The following AK3 variants were observed in gnomAD, a reference collection of about 807,000 sequenced individuals.
AK3 encodes the protein adenylate kinase 3, also known as GTP:AMP phosphotransferase AK3, mitochondrial.
Under a neutral mutation model 23.7 loss-of-function variants are expected in AK3, and 27 were observed. That is an observed-to-expected ratio of 1.14 (90% confidence interval 0.84 to 1.57). The LOEUF is 1.57. Among genes scored for constraint, AK3 ranks in the 40% most tolerant of loss-of-function variants. AK3 has a pLI of 0.00. For synonymous variants in AK3, 159 were observed against 116.0 expected (o/e 1.37, Z -2.38); for missense variants, 406 against 285.6 (o/e 1.42, Z -3.04).
rs1563781400 is a variant in AK3, at chr9:4,714,205, T to TCCACACATAC, written c.564-1110_564-1109insGTATGTGTGG. 5.1e-3 allele frequency among the ~76,000 whole-genome samples: 397 copies of TCCACACATAC among 78,280 alleles called. 23 individuals carry two copies. Among genetic ancestry groups the TCCACACATAC allele is most frequent in the Non-Finnish European group, 5.6e-3 (206 of 36,678 alleles). 51.4% of individuals were successfully genotyped at this position (78,280 alleles called of 152,430 possible). A position where few individuals can be genotyped will look rare whatever the true frequency, so the allele number is the denominator to read the frequency against. ...CTCCACATACACACACCTCCACATA[T>TCCACACATAC]ACACCTCCACACATTCGCCTCCACA... On this transcript the variant is annotated intron_variant, in intron 4 of 4. Transcript: ENST00000381809.
intron 1 of AK3, among the ~76,000 whole-genome samples, chr9:4,730,051 T>G (rs563447957): frequency 6.6e-6 from 1 of 152,264 alleles, no homozygotes; most frequent in South Asian, 2.1e-4. Context: ...CCTTCAAACA[T>G]GCTCAGTGAA....
intron 2 of AK3, 150 bp downstream of exon 2, chr9:4,722,356 C>T (rs1841920451): frequency 1.8e-6 from 2 of 1,089,256 alleles, no homozygotes; most frequent in African/African-American, 3.2e-5. Flanking sequence ...AGAACTGGTC[C>T]CAGAGAAGAT....
intron 1 of AK3, among the ~76,000 whole-genome samples, chr9:4,733,967 T>C (rs10121986): frequency 0.53 from 80,712 of 152,062 alleles, 22,239 homozygotes; most frequent in East Asian, 0.74. Context: ...CTTGTCTCTA[T>C]TGAGACACAT....
At chr9:4,730,161 C>T (rs1587653128) in intron 1 of AK3, among the ~76,000 whole-genome samples, 1 of 152,124 alleles carries the variant, frequency 6.6e-6, no homozygotes, top group Middle Eastern at 3.4e-3. Context: ...TAGTAGTTGC[C>T]AAAGGCTGGG....
At chr9:4,739,980 C>A (rs1195903890) in intron 1 of AK3, among the ~76,000 whole-genome samples, 1 of 147,570 alleles carries the variant, frequency 6.8e-6, no homozygotes, top group Non-Finnish European at 1.5e-5. Context: ...TGTTCCCCTC[C>A]GAAGAATGGG....
rs570760410 is a variant in AK3 at position 4,709,770 on chromosome 9, A to G, written c.*3206T>C. On this transcript the variant is annotated 3_prime_UTR_variant, in exon 5 of 5. Transcript: ENST00000381809. ...TCCAAGATGAAAATCTTTAACTGCAAAGATAGAAAAGCTATTTCTACAGTT... is the reference window on the plus strand; with the variant it reads ...TCCAAGATGAAAATCTTTAACTGCAGAGATAGAAAAGCTATTTCTACAGTT... The G allele has an allele frequency of 6.6e-6, 1 of 152,346 alleles. No individual in the cohort carries two copies. Among genetic ancestry groups the G allele is most frequent in the East Asian group, 1.9e-4 (1 of 5,192 alleles). The allele number at this position is 152,346 out of a possible 1,614,324, so 9.4% of individuals were successfully genotyped here.
rs933495501 is a variant in AK3, at chr9:4,709,651, G to A, written c.*3325C>T. Reference sequence around the variant, plus strand: ...CTAAAAACAAATAAAAAGCAGGAGGGGGATAAGGGCTCTACAAAGCATACT... The same window carrying A: ...CTAAAAACAAATAAAAAGCAGGAGGAGGATAAGGGCTCTACAAAGCATACT... On this transcript the variant is annotated 3_prime_UTR_variant, in exon 5 of 5. Transcript: ENST00000381809. 4 of 152,106 alleles carry A rather than the reference G, an allele frequency of 2.6e-5. No homozygotes were observed. Among genetic ancestry groups the A allele is most frequent in the Admixed American group, 6.5e-5 (1 of 15,270 alleles). The allele number at this position is 152,106 out of a possible 1,614,324, so 9.4% of individuals were successfully genotyped here. A position where few individuals can be genotyped will look rare whatever the true frequency, so the allele number is the denominator to read the frequency against.
Position 4,710,417 on chromosome 9 carries a change from C to A in AK3, c.*2559G>T, listed in dbSNP as rs1470165064. 3 of 136,108 alleles carry A rather than the reference C, an allele frequency of 2.2e-5. No individual in the cohort carries two copies. Among genetic ancestry groups the A allele is most frequent in the Non-Finnish European group, 4.9e-5 (3 of 60,992 alleles). 8.4% of individuals were successfully genotyped at this position (136,108 alleles called of 1,614,324 possible). ...TGTATTTTTAGTAGAGACGGGGTTTCACCGTGTTAGCCAGGATGGTCTCGA... is the reference window on the plus strand; with the variant it reads ...TGTATTTTTAGTAGAGACGGGGTTTAACCGTGTTAGCCAGGATGGTCTCGA... On this transcript the variant is annotated 3_prime_UTR_variant, in exon 5 of 5. Coordinates refer to ENST00000381809, the MANE Select transcript of AK3 (RefSeq NM_016282.4).
At chr9:4,736,667 G>A (rs577710594) in intron 1 of AK3, among the ~76,000 whole-genome samples, 38 of 151,824 alleles carry the variant, frequency 2.5e-4, no homozygotes, top group African/African-American at 8.0e-4. Context: ...AGGGTTGGCC[G>A]TCTAGTCTAG....
At chr9:4,730,949 T>C (rs577285876) in intron 1 of AK3, among the ~76,000 whole-genome samples, 1 of 152,280 alleles carries the variant, frequency 6.6e-6, no homozygotes, top group African/African-American at 2.4e-5. Context: ...TCTGTGAACT[T>C]CCACTTTGAT....
chr9:4,716,953 G>C (rs1028591772), intron 4 of AK3, among the ~76,000 whole-genome samples: 6 of 152,074 alleles, frequency 3.9e-5, no homozygotes, highest in African/African-American at 1.4e-4. Context: ...ATAAATAACA[G>C]TTTGGAAACT....
In AK3 at chr9:4,740,817, G is replaced by A. The variant is rs960576330; in HGVS notation, c.151+120C>T. On this transcript the variant is annotated intron_variant, in intron 1 of 4. Coordinates refer to ENST00000381809, the MANE Select transcript of AK3 (RefSeq NM_016282.4). ...CAGCAGCCCGAGGTCTCTGTCCCGG[G>A]CGGCGGGAGGGAAATGCCGCGCCCG... is the stretch of plus-strand genomic sequence containing the variant. 12 of 1,231,820 alleles carry A rather than the reference G, an allele frequency of 9.7e-6. No individual in the cohort carries two copies. In the African/African-American group the frequency reaches 1.4e-4, roughly 15 times the overall value. The allele number at this position is 1,231,820 out of a possible 1,614,324, so 76.3% of individuals were successfully genotyped here.
In AK3 at chr9:4,712,495, T is replaced by C. The variant is rs1376120868; in HGVS notation, c.*481A>G. The C allele has an allele frequency of 2.0e-5, 3 of 152,370 alleles. No homozygotes were observed. Among genetic ancestry groups the C allele is most frequent in the African/African-American group, 7.2e-5 (3 of 41,456 alleles). The allele number at this position is 152,370 out of a possible 1,614,324, so 9.4% of individuals were successfully genotyped here. A position where few individuals can be genotyped will look rare whatever the true frequency, so the allele number is the denominator to read the frequency against. The stretch of plus-strand genomic sequence containing the variant: ...TCTCACAATAAATCTGTAAATCCAG[T>C]TGCTTTCTTTCTGGAATTTTATATA... On this transcript the variant is annotated 3_prime_UTR_variant, in exon 5 of 5. Transcript: ENST00000381809.
chr9:4,715,799 C>T (rs1841710651), intron 4 of AK3, among the ~76,000 whole-genome samples: 1 of 152,168 alleles, frequency 6.6e-6, no homozygotes, highest in Non-Finnish European at 1.5e-5. Flanking sequence ...GTGGTGTTAT[C>T]TGCCCAGCAA....
chr9:4,733,499 C>G (rs1352508411), intron 1 of AK3, among the ~76,000 whole-genome samples: 1 of 152,174 alleles, frequency 6.6e-6, no homozygotes, highest in African/African-American at 2.4e-5. Flanking sequence ...TCTAACCATA[C>G]ACAGACCTTA....
At chr9:4,740,060 C>CA (rs1166971578) in intron 1 of AK3, among the ~76,000 whole-genome samples, 23,673 of 112,216 alleles carry the variant, frequency 0.21, 2,490 homozygotes, top group South Asian at 0.31. Flanking sequence ...GCTATCCTTA[C>CA]AAAAAAAAAA....
Position 4,718,540 on chromosome 9 carries a change from A to G in AK3, c.445-3T>C. 6.3e-7 allele frequency: 1 copy of G among 1,593,438 alleles called. No homozygotes were observed. Among genetic ancestry groups the G allele is most frequent in the Non-Finnish European group, 8.6e-7 (1 of 1,161,526 alleles). On this transcript the variant is annotated splice_region_variant and splice_polypyrimidine_tract_variant and intron_variant, in intron 3 of 4. Transcript: ENST00000381809. ...TCCCCAGTCAGGTCATCAATGCCCT[A>G]AACAGGATTAGAAGAGACTAGTATC...
intron 1 of AK3, among the ~76,000 whole-genome samples, chr9:4,726,311 G>C (rs1842022775): frequency 6.6e-6 from 1 of 152,130 alleles, no homozygotes; most frequent in African/African-American, 2.4e-5. Flanking sequence ...CTTCTCTGTA[G>C]CATGCAGTGT....
intron 4 of AK3, among the ~76,000 whole-genome samples, chr9:4,715,046 C>T (rs1841684772): frequency 6.6e-6 from 1 of 151,802 alleles, no homozygotes; most frequent in Admixed American, 6.6e-5. Context: ...TGGCGAAACC[C>T]CGTCTCTACT....
Sources: allele counts gnomAD v4.1 joint callset (sites outside exome capture counted in the v4.1 genomes callset), GRCh38; gene constraint gnomAD v4.1.1; transcripts MANE v1.5; gene names NCBI Gene and HGNC (gene_info 2026-07-23, HGNC 2026-07-21).